The following ATF7IP2 variants were observed in gnomAD, a reference collection of about 807,000 sequenced individuals.
ATF7IP2 encodes the protein activating transcription factor 7-interacting protein 2.
ATF7IP2 carries 42 observed loss-of-function variants against 64.2 expected under a neutral mutation model. The observed-to-expected ratio is 0.65, with a 90% CI of 0.51 to 0.85. The LOEUF is 0.85. Among genes scored for constraint, ATF7IP2 ranks in the 40% least tolerant of loss-of-function variants. The probability of loss-of-function intolerance (pLI) is 0.00; values close to 1 mark genes in which losing one functional copy is unlikely to be tolerated. For synonymous variants in ATF7IP2, 308 were observed against 272.8 expected (o/e 1.13, Z -1.27); for missense variants, 933 against 784.2 (o/e 1.19, Z -2.27).
At chr16:10,440,257 A>G (rs1263213924) in intron 7 of ATF7IP2, 107 bp from the exon 8 acceptor site, 4 of 504,886 alleles carry the variant, frequency 7.9e-6, no homozygotes, top group Non-Finnish European at 1.4e-5. Flanking sequence ...TCATTTGGGT[A>G]GATGTCTAGG....
chr16:10,461,572 T>C (rs954422343), intron 9 of ATF7IP2, among the ~76,000 whole-genome samples: 2 of 152,068 alleles, frequency 1.3e-5, no homozygotes, highest in African/African-American at 4.8e-5. Context: ...CAACGTATGA[T>C]TGGAAAGCAG....
chr16:10,477,849 T>G (rs1405943801), intron 12 of ATF7IP2, among the ~76,000 whole-genome samples: 5 of 151,802 alleles, frequency 3.3e-5, no homozygotes, highest in Non-Finnish European at 7.4e-5. Context: ...AGCATACTTA[T>G]ACACCAATAA....
chr16:10,464,517 G>A (rs933551402), intron 9 of ATF7IP2, among the ~76,000 whole-genome samples: 4 of 152,154 alleles, frequency 2.6e-5, no homozygotes, highest in Non-Finnish European at 5.9e-5. Flanking sequence ...TCATAGAAGA[G>A]AAAGTTTATG....
rs182273567 is a variant in ATF7IP2 at position 10,476,655 on chromosome 16, C to T, written c.1549+2666C>T. Among the ~76,000 whole-genome samples the T allele has an allele frequency of 1.1e-3, 166 of 149,638 alleles. No homozygotes were observed. The South Asian group carries it at 0.017, about 16-fold the overall frequency. On this transcript the variant is annotated intron_variant, in intron 12 of 13. Transcript: ENST00000562102. ...ACTATTTTTCCTGATGTTCTCTCCA[C>T]CCCCTGCCCCTCCCCCAACAGGCCT...
At chr16:10,397,965 C>G (rs1229495347) in intron 1 of ATF7IP2, among the ~76,000 whole-genome samples, 1 of 151,580 alleles carries the variant, frequency 6.6e-6, no homozygotes, top group Non-Finnish European at 1.5e-5. Context: ...CAGTTAAAAC[C>G]ACTATGAAAT....
rs1356198981 is a variant in ATF7IP2 at position 10,414,607 on chromosome 16, C to G, written c.-208C>G. The G allele has an allele frequency of 7.9e-6, 1 of 126,554 alleles. No individual in the cohort carries two copies. Among genetic ancestry groups the G allele is most frequent in the Non-Finnish European group, 1.6e-5 (1 of 64,070 alleles). 7.8% of individuals were successfully genotyped at this position (126,554 alleles called of 1,614,324 possible). On this transcript the variant is annotated 5_prime_UTR_variant, in exon 2 of 14. Transcript: ENST00000562102. ...GGGATTTCTTCTTGGTTTGGATCCA[C>G]TGCTGGTGAGCTAGTGTGATTGTGT...
At chr16:10,445,444 G>A (rs1362477171) in intron 8 of ATF7IP2, 15 of 152,272 alleles carry the variant, frequency 9.9e-5, no homozygotes, top group Admixed American at 9.8e-4. Context: ...TCAAAAGAAA[G>A]GCTTTTCTTG....
At chr16:10,404,783 A>G (rs1472629378) in intron 1 of ATF7IP2, among the ~76,000 whole-genome samples, 1 of 149,788 alleles carries the variant, frequency 6.7e-6, no homozygotes, top group Non-Finnish European at 1.5e-5. Context: ...ACTCAAGTAA[A>G]CCGCCCACTT....
chr16:10,444,591 G>A (rs577116810), intron 8 of ATF7IP2, among the ~76,000 whole-genome samples: 47 of 152,320 alleles, frequency 3.1e-4, no homozygotes, highest in Middle Eastern at 3.4e-3. Flanking sequence ...GACCAAGTAC[G>A]TAATGTCTTT....
At chr16:10,423,159 G>A (rs1033783682) in intron 3 of ATF7IP2, among the ~76,000 whole-genome samples, 3 of 152,192 alleles carry the variant, frequency 2.0e-5, no homozygotes, top group African/African-American at 7.2e-5. Context: ...CAGGAGAATG[G>A]CGTGAGCCTG....
chr16:10,445,063 C>T (rs74009344), intron 8 of ATF7IP2, among the ~76,000 whole-genome samples: 9,262 of 152,162 alleles, frequency 0.061, 339 homozygotes, highest in South Asian at 0.12. Context: ...TTAGAGTTTG[C>T]TTATTAGTTT....
intron 11 of ATF7IP2, 108 bp downstream of exon 11, chr16:10,473,642 A>C: frequency 1.3e-6 from 1 of 796,836 alleles, no homozygotes; most frequent in Non-Finnish European, 2.1e-6. Flanking sequence ...CACGTTACAC[A>C]CTGAAAAGCA....
In ATF7IP2 at chr16:10,472,168, A is replaced by G. The variant is rs2142071110; in HGVS notation, c.1411A>G (p.Thr471Ala). The G allele has an allele frequency of 6.4e-7, 1 of 1,561,876 alleles. No individual in the cohort carries two copies. Among genetic ancestry groups the G allele is most frequent in the Non-Finnish European group, 8.8e-7 (1 of 1,141,492 alleles). The change falls in exon 10 of 14, where the codon ACA becomes GCA. Residue 471 changes from threonine (T) to alanine (A), a missense_variant. Physicochemically the swap from Thr to Ala is moderately conservative, Grantham distance 58. Transcript: ENST00000562102. ...AAGTCCTAATTTGACAACTCCAATTACATCAAATCCAACAGGTATCTTATA... is the reference window on the plus strand; with the variant it reads ...AAGTCCTAATTTGACAACTCCAATTGCATCAAATCCAACAGGTATCTTATA... ...VESPNLTTPI[T>A]SNPTDTRKIT...
At chr16:10,395,050 T>C (rs2047396287) in intron 1 of ATF7IP2, among the ~76,000 whole-genome samples, 1 of 151,338 alleles carries the variant, frequency 6.6e-6, no homozygotes, top group Non-Finnish European at 1.5e-5. Context: ...TCTTAAACGA[T>C]CAAGAAAATT....
intron 6 of ATF7IP2, among the ~76,000 whole-genome samples, chr16:10,434,348 T>C (rs1225085092): frequency 1.3e-5 from 2 of 152,132 alleles, no homozygotes; most frequent in Non-Finnish European, 2.9e-5. Flanking sequence ...TCACTACCAC[T>C]AGAATGCCAC....
chr16:10,424,800 T>C (rs1437147561), intron 3 of ATF7IP2, among the ~76,000 whole-genome samples: 1 of 152,150 alleles, frequency 6.6e-6, no homozygotes. Flanking sequence ...ACTACATCAG[T>C]TGAAACAGGA....
chr16:10,455,307 G>C (rs562637449), intron 8 of ATF7IP2, among the ~76,000 whole-genome samples: 2 of 152,280 alleles, frequency 1.3e-5, no homozygotes, highest in African/African-American at 4.8e-5. Context: ...AAGGTCAAAG[G>C]CAGAAAAAGG....
intron 1 of ATF7IP2, among the ~76,000 whole-genome samples, chr16:10,399,546 T>C (rs2047487014): frequency 6.6e-6 from 1 of 152,238 alleles, no homozygotes; most frequent in Non-Finnish European, 1.5e-5. Flanking sequence ...GATCTGTATG[T>C]CTATTTCTAT....
chr16:10,460,734 A>C (rs1185560961), intron 9 of ATF7IP2, among the ~76,000 whole-genome samples: 1 of 152,218 alleles, frequency 6.6e-6, no homozygotes, highest in African/African-American at 2.4e-5. Flanking sequence ...AAATATCTAA[A>C]GGAAATTATA....
Sources: allele counts gnomAD v4.1 joint callset (sites outside exome capture counted in the v4.1 genomes callset), GRCh38; gene constraint gnomAD v4.1.1; transcripts MANE v1.5; gene names NCBI Gene and HGNC (gene_info 2026-07-23, HGNC 2026-07-21).